PCDHA8: variants seen among roughly 807,000 people sequenced by gnomAD.
PCDHA8 encodes the protein protocadherin alpha 8.
Under a neutral mutation model 61.8 loss-of-function variants are expected in PCDHA8, and 53 were observed. That is an observed-to-expected ratio of 0.86 (90% CI 0.69 to 1.08). The LOEUF (loss-of-function observed/expected upper bound fraction) is 1.08. Ranked by LOEUF, PCDHA8 falls within the 50% of genes least tolerant of loss-of-function variation. The pLI, the probability that PCDHA8 is intolerant of heterozygous loss-of-function variation, is 0.00. For missense variants in PCDHA8, 1,293 were observed against 1,245.0 expected (o/e 1.04, Z -0.58); for synonymous variants, 618 against 556.6 (o/e 1.11, Z -1.55).
chr5:140,841,201 C>A lies in PCDHA8; in HGVS notation c.-121C>A. ...ATGTTCAAAGTCTTTTCTCTGACAG[C>A]ATCTGTCTCTAAAGGCCGAACAACG... On this transcript the variant is annotated 5_prime_UTR_variant, in exon 1 of 4. Transcript: ENST00000531613. The A allele has an allele frequency of 7.7e-7, 1 of 1,296,960 alleles. No individual in the cohort carries two copies. The highest frequency in any genetic ancestry group is 1.5e-5 in the South Asian group (1 of 66,812). 80.3% of individuals were successfully genotyped at this position (1,296,960 alleles called of 1,614,324 possible). A position where few individuals can be genotyped will look rare whatever the true frequency, so the allele number is the denominator to read the frequency against.
chr5:140,877,844 G>A lies in PCDHA8; in HGVS notation c.2394+34129G>A, dbSNP rs945643108. The A allele has an allele frequency of 5.1e-6, 8 of 1,568,656 alleles. No homozygotes were observed. In the African/African-American group the frequency reaches 8.3e-5, roughly 16 times the overall value. ...TGTTTAAATCCTCCCAGTGAAGTAA[G>A]TTATTAATATTATTTAGATATATTT... On this transcript the variant is annotated intron_variant, in intron 1 of 3. Coordinates refer to ENST00000531613, the MANE Select transcript of PCDHA8 (RefSeq NM_018911.3).
At chr5:140,992,708 C>T (rs2097525816) in intron 3 of PCDHA8, among the ~76,000 whole-genome samples, 1 of 152,100 alleles carries the variant, frequency 6.6e-6, no homozygotes, top group African/African-American at 2.4e-5. Context: ...ATGTTCCTGC[C>T]AGTATTCGTA....
intron 1 of PCDHA8, among the ~76,000 whole-genome samples, chr5:140,898,622 A>G (rs1286354840): frequency 7.9e-5 from 12 of 152,290 alleles, no homozygotes; most frequent in African/African-American, 2.6e-4. Context: ...GTCAGGTAGC[A>G]TAATGCCTCC....
At chr5:140,883,211 T>C in intron 1 of PCDHA8, 1 of 1,613,738 alleles carries the variant, frequency 6.2e-7, no homozygotes, top group Non-Finnish European at 8.5e-7. Context: ...AGAAAAGAAA[T>C]TATATGAAAT....
intron 1 of PCDHA8, among the ~76,000 whole-genome samples, chr5:140,921,914 TA>T (rs2080487852): frequency 6.6e-6 from 1 of 152,014 alleles, no homozygotes; most frequent in Admixed American, 6.6e-5. Context: ...TATTACATGA[TA>T]AAACTTATAG....
At chr5:140,884,312 G>A in intron 1 of PCDHA8, 1 of 1,613,768 alleles carries the variant, frequency 6.2e-7, no homozygotes, top group Non-Finnish European at 8.5e-7. Context: ...TTCGTCGAGG[G>A]CGTCGGCAGG....
intron 1 of PCDHA8, among the ~76,000 whole-genome samples, chr5:140,961,312 A>G (rs2095603612): frequency 6.6e-6 from 1 of 152,156 alleles, no homozygotes; most frequent in Non-Finnish European, 1.5e-5. Context: ...ATGATTTACC[A>G]GGCTCTGTTT....
chr5:140,968,135 G>C (rs2096222877), intron 1 of PCDHA8: 2 of 1,614,034 alleles, frequency 1.2e-6, no homozygotes, highest in Non-Finnish European at 1.7e-6. Flanking sequence ...TACACTGAAG[G>C]TTGAGATCTC....
intron 1 of PCDHA8, among the ~76,000 whole-genome samples, chr5:140,901,939 A>G (rs1583441166): frequency 6.6e-6 from 1 of 151,884 alleles, no homozygotes; most frequent in Non-Finnish European, 1.5e-5. Flanking sequence ...TCCTAGGTAT[A>G]TTTAGTTTTA....
At chr5:140,876,555 G>A (rs782622293) in intron 1 of PCDHA8, 18 of 1,614,072 alleles carry the variant, frequency 1.1e-5, no homozygotes, top group Admixed American at 3.3e-5. Flanking sequence ...CTGTGCAAGA[G>A]GATGCTCAGG....
chr5:140,963,312 TG>T (rs2153735087), intron 1 of PCDHA8, among the ~76,000 whole-genome samples: 1 of 152,332 alleles, frequency 6.6e-6, no homozygotes, highest in African/African-American at 2.4e-5. Flanking sequence ...AGAAGCTGTT[TG>T]TATTAGAATT....
chr5:140,849,576 G>A (rs2150441030), intron 1 of PCDHA8: 3 of 1,598,698 alleles, frequency 1.9e-6, no homozygotes, highest in Non-Finnish European at 2.6e-6. Flanking sequence ...TCCTGTAAAA[G>A]AGGACGCACA....
rs2042132176 is a variant in PCDHA8, at chr5:140,851,700, G to A, written c.2394+7985G>A. On this transcript the variant is annotated intron_variant, in intron 1 of 3. Transcript: ENST00000531613. ...TCTCCATTCAGTGATAAAATGATCA[G>A]CCATGTGAAGATTCGAAACTTCGAG... 4.2e-6 allele frequency: 4 copies of A among 943,922 alleles called. 1 individual carries two copies. Among genetic ancestry groups the A allele is most frequent in the Admixed American group, 1.3e-4 (2 of 15,858 alleles). The allele number at this position is 943,922 out of a possible 1,614,324, so 58.5% of individuals were successfully genotyped here. A position where few individuals can be genotyped will look rare whatever the true frequency, so the allele number is the denominator to read the frequency against.
At chr5:140,926,632 C>T in intron 1 of PCDHA8, 1 of 432,326 alleles carries the variant, frequency 2.3e-6, no homozygotes, top group Admixed American at 4.2e-5. Flanking sequence ...GCGCTGCGCT[C>T]CTCAACACCC....
chr5:140,869,840 A>G (rs782569950), intron 1 of PCDHA8: 32 of 1,611,616 alleles, frequency 2.0e-5, no homozygotes, highest in Non-Finnish European at 2.6e-5. Context: ...GATAAATCAG[A>G]ATATAAGGTG....
chr5:140,846,760 A>G (rs2150394532), intron 1 of PCDHA8, among the ~76,000 whole-genome samples: 3 of 149,554 alleles, frequency 2.0e-5, no homozygotes, highest in South Asian at 4.2e-4. Flanking sequence ...CTCTAACAGC[A>G]TATCATCATG....
chr5:140,957,416 A>T (rs1456143168), intron 1 of PCDHA8, among the ~76,000 whole-genome samples: 2 of 152,144 alleles, frequency 1.3e-5, no homozygotes, highest in East Asian at 1.9e-4. Flanking sequence ...TATTGTTGTT[A>T]ATCTTTTACT....
intron 3 of PCDHA8, among the ~76,000 whole-genome samples, chr5:140,995,404 A>G (rs941348184): frequency 1.3e-5 from 2 of 152,184 alleles, no homozygotes; most frequent in Admixed American, 6.5e-5. Flanking sequence ...ATGGCTCGAG[A>G]TTTCATCACA....
At chr5:140,851,413 C>A in intron 1 of PCDHA8, 1 of 961,744 alleles carries the variant, frequency 1.0e-6, no homozygotes, top group Non-Finnish European at 1.3e-6. Flanking sequence ...AAGAAAGAAA[C>A]TTCCCCTAAA....
Sources: gnomAD v4.1 joint callset for allele counts (sites outside exome capture counted in the v4.1 genomes callset) on GRCh38, gnomAD v4.1.1 for gene constraint, MANE v1.5 for transcripts, NCBI Gene and HGNC (gene_info 2026-07-23, HGNC 2026-07-21) for gene names.